Variants in LRMDA observed in about 807,000 individuals in gnomAD.
LRMDA encodes the protein leucine-rich melanocyte differentiation-associated protein.
Under a neutral mutation model 29.8 loss-of-function variants are expected in LRMDA, and 18 were observed. That is an observed-to-expected ratio of 0.60 (90% CI 0.42 to 0.90). LRMDA has a LOEUF of 0.90. Ranked by LOEUF, LRMDA falls within the 40% of genes least tolerant of loss-of-function variation. LRMDA has a pLI of 0.00. For synonymous variants in LRMDA, 125 were observed against 109.4 expected (o/e 1.14, Z -0.89); for missense variants, 273 against 273.9 (o/e 1.00, Z 0.02).
At chr10:75,504,458 A>T (rs1845149184) in intron 2 of LRMDA, among the ~76,000 whole-genome samples, 1 of 152,148 alleles carries the variant, frequency 6.6e-6, no homozygotes, top group Non-Finnish European at 1.5e-5. Context: ...TGTAAAATCC[A>T]CTTCATATTT....
At chr10:76,062,689 T>C (rs933445345) in intron 5 of LRMDA, among the ~76,000 whole-genome samples, 5 of 151,888 alleles carry the variant, frequency 3.3e-5, no homozygotes, top group Admixed American at 1.3e-4. Flanking sequence ...TGTGTGTGTG[T>C]GTGTGTGTTA....
rs1849888993 is a variant in LRMDA, at chr10:76,126,635, A to G, written c.516+67852A>G. Among the ~76,000 whole-genome samples the G allele has an allele frequency of 2.0e-5, 3 of 152,060 alleles. No homozygotes were observed. In the South Asian group the frequency reaches 6.2e-4, roughly 32 times the overall value. The stretch of plus-strand genomic sequence containing the variant: ...GTTTCTCCACTTCTGTACCCACACT[A>G]TCCTTTTTCCATCTTGCAATACATT... On this transcript the variant is annotated intron_variant, in intron 5 of 6. Coordinates refer to ENST00000611255, the MANE Select transcript of LRMDA (RefSeq NM_001305581.2).
intron 5 of LRMDA, among the ~76,000 whole-genome samples, chr10:76,112,049 A>C (rs1408204916): frequency 6.6e-6 from 1 of 152,170 alleles, no homozygotes. Context: ...TTTCTTTTTG[A>C]ATTCCACTTC....
chr10:76,295,865 T>TTGCTAA (rs1256831786), intron 5 of LRMDA, among the ~76,000 whole-genome samples: 1 of 152,184 alleles, frequency 6.6e-6, no homozygotes, highest in Non-Finnish European at 1.5e-5. Context: ...AGTCACCTCT[T>TTGCTAA]TGCTAATCTT....
At chr10:76,131,439 A>G (rs574264691) in intron 5 of LRMDA, among the ~76,000 whole-genome samples, 2 of 152,274 alleles carry the variant, frequency 1.3e-5, no homozygotes, top group South Asian at 4.1e-4. Context: ...AGGTATAAGG[A>G]TATTTTCAAT....
At chr10:75,727,991 T>C (rs376751470) in intron 2 of LRMDA, among the ~76,000 whole-genome samples, 1 of 152,204 alleles carries the variant, frequency 6.6e-6, no homozygotes, top group East Asian at 1.9e-4. Context: ...GAACATATTT[T>C]TTTGAGTGGC....
chr10:76,494,826 T>C (rs1842866610), intron 6 of LRMDA, among the ~76,000 whole-genome samples: 1 of 151,962 alleles, frequency 6.6e-6, no homozygotes, highest in Admixed American at 6.6e-5. Context: ...TTTAAAATAT[T>C]CTCTAAGTAT....
intron 6 of LRMDA, among the ~76,000 whole-genome samples, chr10:76,508,995 G>A (rs147837630): frequency 2.6e-5 from 4 of 152,098 alleles, no homozygotes; most frequent in Non-Finnish European, 5.9e-5. Flanking sequence ...TCTTAGCAAT[G>A]AGTCTAGTAC....
intron 5 of LRMDA, among the ~76,000 whole-genome samples, chr10:76,143,781 G>C (rs1850254989): frequency 3.3e-5 from 5 of 152,184 alleles, no homozygotes; most frequent in Admixed American, 1.3e-4. Context: ...CCTATGTCCT[G>C]AATGGTATTG....
chr10:76,149,097 G>A (rs1218189307), intron 5 of LRMDA, among the ~76,000 whole-genome samples: 1 of 152,160 alleles, frequency 6.6e-6, no homozygotes, highest in Non-Finnish European at 1.5e-5. Flanking sequence ...ACAATTAAGT[G>A]GGTGTAAAGT....
intron 6 of LRMDA, among the ~76,000 whole-genome samples, chr10:76,418,280 C>T (rs188429595): frequency 2.4e-3 from 362 of 152,000 alleles, no homozygotes; most frequent in Non-Finnish European, 3.7e-3. Flanking sequence ...TGTTCTTCCA[C>T]TTATTTAGGT....
intron 2 of LRMDA, among the ~76,000 whole-genome samples, chr10:75,839,700 CTTTTTT>C (rs1160178913): frequency 1.2e-5 from 1 of 82,782 alleles, no homozygotes; most frequent in African/African-American, 6.5e-5. Context: ...ATCCGACTTT[CTTTTTT>C]TTTTTTTTTT....
At chr10:76,105,767 G>C (rs532563184) in intron 5 of LRMDA, among the ~76,000 whole-genome samples, 6 of 152,200 alleles carry the variant, frequency 3.9e-5, no homozygotes, top group Non-Finnish European at 8.8e-5. Flanking sequence ...TTGTTTTTTT[G>C]AGATAGTCTT....
intron 5 of LRMDA, among the ~76,000 whole-genome samples, chr10:76,181,579 G>A (rs1189078093): frequency 2.0e-5 from 3 of 152,144 alleles, no homozygotes; most frequent in African/African-American, 4.8e-5. Flanking sequence ...TTTGTTGGGG[G>A]CAGCAAGAGA....
intron 2 of LRMDA, among the ~76,000 whole-genome samples, chr10:75,913,464 A>G (rs79786514): frequency 0.13 from 20,342 of 152,248 alleles, 1,498 homozygotes; most frequent in Middle Eastern, 0.31. Context: ...TTGGGGGGAA[A>G]AAAAATTCTT....
At chr10:75,565,550 G>A (rs1315718609) in intron 2 of LRMDA, among the ~76,000 whole-genome samples, 6 of 152,202 alleles carry the variant, frequency 3.9e-5, no homozygotes. Flanking sequence ...AATCAAACAG[G>A]TGTAGATGAC....
intron 6 of LRMDA, among the ~76,000 whole-genome samples, chr10:76,403,719 G>A (rs1841873319): frequency 1.3e-5 from 2 of 152,058 alleles, no homozygotes; most frequent in African/African-American, 4.8e-5. Context: ...GTGGGACCAG[G>A]GTTCTATTTT....
intron 2 of LRMDA, among the ~76,000 whole-genome samples, chr10:75,931,852 G>A (rs1846211003): frequency 6.6e-6 from 1 of 152,074 alleles, no homozygotes; most frequent in African/African-American, 2.4e-5. Context: ...ACTGATTTAG[G>A]AGCCCATGTT....
At chr10:76,190,722 G>A (rs1258114070) in intron 5 of LRMDA, among the ~76,000 whole-genome samples, 2 of 152,170 alleles carry the variant, frequency 1.3e-5, no homozygotes, top group Admixed American at 1.3e-4. Context: ...CTAGCATTCA[G>A]AGGGGGAAAG....
Sources: gnomAD v4.1 joint callset for allele counts (sites outside exome capture counted in the v4.1 genomes callset) on GRCh38, gnomAD v4.1.1 for gene constraint, MANE v1.5 for transcripts, NCBI Gene and HGNC (gene_info 2026-07-23, HGNC 2026-07-21) for gene names.